The following TMEM177 variants were observed in gnomAD, a reference collection of about 807,000 sequenced individuals.
The protein encoded by TMEM177 is transmembrane protein 177.
TMEM177 carries 4 observed loss-of-function variants against 14.2 expected under a neutral mutation model. That is an observed-to-expected ratio of 0.28 (90% CI 0.14 to 0.64). The LOEUF (loss-of-function observed/expected upper bound fraction) is 0.64. TMEM177 is among the 30% of genes least tolerant of loss of function. The probability of loss-of-function intolerance (pLI) is 0.82; values close to 1 mark genes in which losing one functional copy is unlikely to be tolerated. For synonymous variants in TMEM177, 179 were observed against 174.5 expected, an observed-to-expected ratio of 1.03 and a Z score of -0.20; for missense variants, 344 against 405.2, an observed-to-expected ratio of 0.85 and a Z score of 1.30.
In TMEM177 at chr2:119,681,673, C is replaced by G; in HGVS notation, c.820C>G (p.Pro274Ala). The G allele has an allele frequency of 6.2e-7, 1 of 1,614,172 alleles. No individual in the cohort carries two copies. The highest frequency in any genetic ancestry group is 8.5e-7 in the Non-Finnish European group (1 of 1,180,026). ...CAAAGACGGGGAGAAGCTGTATACA[C>G]CCAGCGGGAACATCGTCCCCAGACA... ...LGKDGEKLYTPSGNIVPRHLF... is the reference protein window; with the variant it reads ...LGKDGEKLYTASGNIVPRHLF... Residue 274 changes from proline to alanine, a missense_variant, in exon 2 of 2, where the codon CCC (proline) becomes GCC (alanine). Transcript: ENST00000272521.
chr2:119,689,102 T>G (rs1280411456), downstream of TMEM177, among the ~76,000 whole-genome samples: 3 of 152,172 alleles, frequency 2.0e-5, no homozygotes, highest in Non-Finnish European at 4.4e-5. Context: ...GTCTGAAGGA[T>G]CTCCCTGCCT....
At chr2:119,699,531 G>A in the TMEM177 span, among the ~76,000 whole-genome samples, 25 of 152,262 alleles carry the variant, frequency 1.6e-4, no homozygotes, top group African/African-American at 5.8e-4. Flanking sequence ...CTACTAGGGT[G>A]CTTCCCACCC....
chr2:119,706,199 T>G, the TMEM177 span, among the ~76,000 whole-genome samples: 1 of 151,838 alleles, frequency 6.6e-6, no homozygotes, highest in African/African-American at 2.4e-5. Flanking sequence ...ACTTTTTGTG[T>G]TTTTTTAGTA....
chr2:119,709,150 C>G, the TMEM177 span, among the ~76,000 whole-genome samples: 1 of 152,170 alleles, frequency 6.6e-6, no homozygotes, highest in Admixed American at 6.5e-5. Context: ...CTGTACCATG[C>G]GCGTCTCTTT....
At chr2:119,717,110 A>G in the TMEM177 span, among the ~76,000 whole-genome samples, 46,672 of 152,152 alleles carry the variant, frequency 0.31, 7,401 homozygotes, top group African/African-American at 0.38. Flanking sequence ...CATGGGCCTC[A>G]GGGGTGGGGC....
At chr2:119,694,282 A>C in the TMEM177 span, among the ~76,000 whole-genome samples, 2 of 29,436 alleles carry the variant, frequency 6.8e-5, no homozygotes, top group East Asian at 6.9e-4. Context: ...GTGGTATACC[A>C]CACACACACA....
chr2:119,699,308 A>G, the TMEM177 span, among the ~76,000 whole-genome samples: 2 of 152,178 alleles, frequency 1.3e-5, no homozygotes, highest in Non-Finnish European at 2.9e-5. Flanking sequence ...AGCCCCTTAT[A>G]AAACGATCAG....
At chr2:119,707,997 TTC>T in the TMEM177 span, among the ~76,000 whole-genome samples, 10 of 152,002 alleles carry the variant, frequency 6.6e-5, no homozygotes, top group South Asian at 6.2e-4. Flanking sequence ...CTGCTGTGGT[TTC>T]TGTTTTGCCC....
the TMEM177 span, among the ~76,000 whole-genome samples, chr2:119,708,503 C>T: frequency 2.6e-5 from 4 of 152,236 alleles, no homozygotes; most frequent in South Asian, 2.1e-4. Flanking sequence ...CAAATTCCCC[C>T]GATTGTTCCA....
chr2:119,722,424 G>A, the TMEM177 span, among the ~76,000 whole-genome samples: 2 of 151,606 alleles, frequency 1.3e-5, no homozygotes, highest in Non-Finnish European at 2.9e-5. Context: ...AGAAAGGGAA[G>A]GGAAAATAAA....
At chr2:119,701,560 G>T in the TMEM177 span, among the ~76,000 whole-genome samples, 36 of 152,142 alleles carry the variant, frequency 2.4e-4, no homozygotes, top group African/African-American at 8.7e-4. Flanking sequence ...CAGAAAGTCC[G>T]GTGTCCCAGC....
chr2:119,713,914 G>A, the TMEM177 span, among the ~76,000 whole-genome samples: 2 of 152,208 alleles, frequency 1.3e-5, no homozygotes, highest in Admixed American at 6.5e-5. Flanking sequence ...CCACCACCAG[G>A]CTCCATCTCC....
At chr2:119,704,382 G>A in the TMEM177 span, among the ~76,000 whole-genome samples, 276 of 152,242 alleles carry the variant, frequency 1.8e-3, 1 homozygote, top group African/African-American at 6.2e-3. Context: ...GGTGGATCAC[G>A]AGGTCAGGAG....
Position 119,681,782 on chromosome 2 carries a change from G to A in TMEM177, c.929G>A (p.Arg310His), listed in dbSNP as rs759245839. 34 of 1,611,298 alleles carry A rather than the reference G, an allele frequency of 2.1e-5. No individual in the cohort carries two copies. Among genetic ancestry groups the A allele is most frequent in the Admixed American group, 1.8e-4 (11 of 59,900 alleles). The change falls in exon 2 of 2, where the codon CGC (arginine) becomes CAC (histidine). Residue 310 changes from arginine to histidine, a missense_variant. By Grantham distance (29) the Arg-to-His change is conservative. Transcript: ENST00000272521. The stretch of plus-strand genomic sequence containing the variant: ...TGGAGGGGGATGCTCAATCCGGGCC[G>A]CTCCTGATGGGCTCATCACAAGGAC... The part of the protein sequence containing the change: ...QMWRGMLNPG[R>H]S
the TMEM177 span, among the ~76,000 whole-genome samples, chr2:119,707,585 C>T: frequency 6.6e-6 from 1 of 152,198 alleles, no homozygotes; most frequent in Non-Finnish European, 1.5e-5. Flanking sequence ...AATAATGGCT[C>T]TTCTGCCCCA....
rs1338534504 is a variant in TMEM177, at chr2:119,681,198, G to A, written c.345G>A (p.Val115=). The change falls in exon 2 of 2, where the codon GTG becomes GTA. Residue 115 remains valine, a synonymous_variant. Transcript: ENST00000272521. ...CTGCCAGTTTCTTGGGAGACCTAGT[G>A]ATCAACACTAACCATCCCGTGGTCA... ...GIPASFLGDL[V]INTNHPVVIH... 2.5e-6 allele frequency: 4 copies of A among 1,614,274 alleles called. No homozygotes were observed. The Admixed American group carries it at 6.7e-5, about 27-fold the overall frequency.
At chr2:119,712,024 A>G in the TMEM177 span, among the ~76,000 whole-genome samples, 3 of 152,102 alleles carry the variant, frequency 2.0e-5, no homozygotes, top group African/African-American at 7.2e-5. Context: ...AGACAGGTCC[A>G]GAGCCTGGGG....
At chr2:119,689,299 C>G (rs114880002), downstream of TMEM177, among the ~76,000 whole-genome samples, 1 of 152,092 alleles carries the variant, frequency 6.6e-6, no homozygotes, top group Non-Finnish European at 1.5e-5. Flanking sequence ...AGAGTTCTAC[C>G]GAAGAGACTG....
the TMEM177 span, among the ~76,000 whole-genome samples, chr2:119,691,952 T>A: frequency 2.0e-4 from 31 of 152,322 alleles, no homozygotes; most frequent in African/African-American, 7.5e-4. Context: ...TGCTGGTCCC[T>A]GCAGATGGCC....
Sources: allele counts gnomAD v4.1 joint callset (sites outside exome capture counted in the v4.1 genomes callset), GRCh38; gene constraint gnomAD v4.1.1; transcripts MANE v1.5; gene names NCBI Gene and HGNC (gene_info 2026-07-23, HGNC 2026-07-21).